The following MGAM variants were observed in gnomAD, a reference collection of about 807,000 sequenced individuals.
MGAM encodes alpha-1,4-glucosidase.
A neutral mutation model predicts 358.8 loss-of-function variants in MGAM; 253 were observed. The observed-to-expected ratio is 0.71, with a 90% CI of 0.64 to 0.78. The LOEUF is 0.78. Among genes scored for constraint, MGAM ranks in the 30% least tolerant of loss-of-function variants. The probability of loss-of-function intolerance (pLI) is 0.00; values close to 1 mark genes in which losing one functional copy is unlikely to be tolerated. For missense variants in MGAM, 3,080 were observed against 3,432.6 expected (o/e 0.90, Z 2.57); for synonymous variants, 1,105 against 1,227.1 (o/e 0.90, Z 2.08).
In MGAM at chr7:142,059,523, C is replaced by A. The variant is rs751220955; in HGVS notation, c.3871C>A (p.Leu1291Ile). The A allele has an allele frequency of 4.0e-5, 64 of 1,612,886 alleles. No individual in the cohort carries two copies. The highest frequency in any genetic ancestry group is 5.0e-5 in the Admixed American group (3 of 59,972). The change falls in exon 32 of 71, where the codon CTC becomes ATC. Residue 1291 changes from leucine (L) to isoleucine (I), a missense_variant. Leu to Ile is a conservative substitution (Grantham distance 5). Coordinates refer to ENST00000475668, the MANE Select transcript of MGAM (RefSeq NM_001365693.1). ...CATGGAGCGGCAGCTGGACTTCACC[C>A]TCAGCCCCAAGTTTGCTGGGTTTCC... ...DYMERQLDFT[L>I]SPKFAGFPAL...
intron 8 of MGAM, among the ~76,000 whole-genome samples, chr7:142,025,883 G>A (rs1183487675): frequency 6.6e-6 from 1 of 152,124 alleles, no homozygotes; most frequent in Non-Finnish European, 1.5e-5. Flanking sequence ...ATGAATCTAA[G>A]ACGATTCTAA....
Position 142,008,498 on chromosome 7 carries a change from T to G in MGAM, c.128-8T>G, listed in dbSNP as rs1563106708. 1.2e-6 allele frequency: 2 copies of G among 1,600,350 alleles called. No individual in the cohort carries two copies. Among genetic ancestry groups the G allele is most frequent in the Non-Finnish European group, 1.7e-6 (2 of 1,173,738 alleles). Reference sequence around the variant, plus strand: ...CTAATGGTCTTTTTATGTTTGCTTTTGGTATAGCCCCAGATCCTGGGACAA... The same window carrying G: ...CTAATGGTCTTTTTATGTTTGCTTTGGGTATAGCCCCAGATCCTGGGACAA... On this transcript the variant is annotated splice_polypyrimidine_tract_variant and splice_region_variant and intron_variant, in intron 2 of 70. Coordinates refer to ENST00000475668, the MANE Select transcript of MGAM (RefSeq NM_001365693.1).
intron 42 of MGAM, among the ~76,000 whole-genome samples, chr7:142,067,956 A>T (rs865838118): frequency 8.7e-4 from 31 of 35,582 alleles, no homozygotes; most frequent in Admixed American, 3.0e-3. Flanking sequence ...ATATATATAT[A>T]TATATATAAA....
chr7:142,054,375 A>G (rs1811288939), intron 26 of MGAM, among the ~76,000 whole-genome samples: 2 of 152,192 alleles, frequency 1.3e-5, no homozygotes, highest in African/African-American at 2.4e-5. Flanking sequence ...TGATTATTTT[A>G]ATCAAATAGA....
At chr7:142,005,758 G>T in intron 2 of MGAM, 101 bp downstream of exon 2, 1 of 1,207,662 alleles carries the variant, frequency 8.3e-7, no homozygotes. Flanking sequence ...GTGTGTATGT[G>T]TTTGTTGCGG....
At chr7:142,020,041 C>G (rs1806292090) in intron 4 of MGAM, among the ~76,000 whole-genome samples, 2 of 148,730 alleles carry the variant, frequency 1.3e-5, no homozygotes, top group African/African-American at 5.0e-5. Flanking sequence ...TTCGCTCCAG[C>G]CTGGGTGACA....
At chr7:142,096,474 A>G in intron 65 of MGAM, 59 bp downstream of exon 65, 2 of 1,564,556 alleles carry the variant, frequency 1.3e-6, no homozygotes, top group Admixed American at 1.7e-5. Flanking sequence ...GGGGAAAAGG[A>G]CGAGGAGAAG....
intron 6 of MGAM, 60 bp from the exon 7 acceptor site, chr7:142,022,208 C>T: frequency 6.8e-7 from 1 of 1,473,078 alleles, no homozygotes. Context: ...CTTTTCTAAG[C>T]ACTTACGTTC....
At chr7:141,991,100 T>C (rs185834275), upstream of MGAM, among the ~76,000 whole-genome samples, 19 of 152,240 alleles carry the variant, frequency 1.2e-4, no homozygotes, top group Non-Finnish European at 2.6e-4. Flanking sequence ...CAAGTCGCCT[T>C]TGTGCCTCAG....
intron 3 of MGAM, among the ~76,000 whole-genome samples, chr7:142,016,414 T>C (rs1280673501): frequency 6.6e-6 from 1 of 152,212 alleles, no homozygotes; most frequent in African/African-American, 2.4e-5. Flanking sequence ...CTATCTCCCT[T>C]AATTTTACCT....
At chr7:142,057,298 G>T (rs1422387374) in intron 30 of MGAM, among the ~76,000 whole-genome samples, 1 of 151,458 alleles carries the variant, frequency 6.6e-6, no homozygotes, top group Admixed American at 6.6e-5. Flanking sequence ...TGTTGGTGAT[G>T]GTGATGATAG....
intron 3 of MGAM, among the ~76,000 whole-genome samples, chr7:142,015,081 A>G (rs1454279539): frequency 6.6e-6 from 1 of 152,018 alleles, no homozygotes; most frequent in African/African-American, 2.4e-5. Flanking sequence ...CAGTCTTTTA[A>G]AGTTTTGCCA....
chr7:141,998,009 C>T lies in MGAM; in HGVS notation c.-3+2079C>T, dbSNP rs150637016. Among the ~76,000 whole-genome samples, 257 of 152,198 alleles carry T rather than the reference C, an allele frequency of 1.7e-3. 1 individual carries two copies. The highest frequency in any genetic ancestry group is 5.9e-3 in the African/African-American group (244 of 41,500). On this transcript the variant is annotated intron_variant, in intron 1 of 70. Coordinates refer to ENST00000475668, the MANE Select transcript of MGAM (RefSeq NM_001365693.1). The stretch of plus-strand genomic sequence containing the variant: ...GATTTTAAAAGAATGGCTTAGACCT[C>T]CATATACACATCAAACGCTGGCTAT...
chr7:142,086,179 G>A (rs1419124399), intron 55 of MGAM, 39 bp from the exon 56 acceptor site: 1 of 1,483,268 alleles, frequency 6.7e-7, no homozygotes, highest in Non-Finnish European at 9.2e-7. Context: ...TCATTCTGTG[G>A]CTTTGATTTT....
intron 2 of MGAM, among the ~76,000 whole-genome samples, chr7:141,989,331 T>G (rs1374310375): frequency 6.6e-6 from 1 of 152,150 alleles, no homozygotes; most frequent in African/African-American, 2.4e-5. Flanking sequence ...CAGAAAGGAC[T>G]GGCTGAGGAG....
At position 142,046,308 on chromosome 7, in the gene MGAM, A is replaced by G. The variant is rs541090920; in HGVS notation, c.2499-1477A>G. Among the ~76,000 whole-genome samples, 5 of 151,558 alleles carry G rather than the reference A, an allele frequency of 3.3e-5. No homozygotes were observed. The South Asian group carries it at 1.0e-3, about 31-fold the overall frequency. The stretch of plus-strand genomic sequence containing the variant: ...GGGAGTCTAAGTCTATTGTTAGTTA[A>G]CTTTGTTGACTTTCTTTCATGTTGA... On this transcript the variant is annotated intron_variant, in intron 21 of 70. Coordinates refer to ENST00000475668, the MANE Select transcript of MGAM (RefSeq NM_001365693.1).
At chr7:142,014,840 A>G (rs1805846841) in intron 3 of MGAM, among the ~76,000 whole-genome samples, 2 of 152,138 alleles carry the variant, frequency 1.3e-5, no homozygotes, top group East Asian at 3.8e-4. Context: ...AATTATGTCA[A>G]TTTTATGGCA....
chr7:142,069,790 G>A (rs922564358), intron 43 of MGAM, among the ~76,000 whole-genome samples: 12 of 145,584 alleles, frequency 8.2e-5, no homozygotes, highest in African/African-American at 2.9e-4. Flanking sequence ...CTTTACGTGA[G>A]ACTGGCCTTT....
intron 19 of MGAM, among the ~76,000 whole-genome samples, chr7:142,039,115 T>C (rs1334265926): frequency 6.7e-6 from 1 of 148,710 alleles, no homozygotes; most frequent in Non-Finnish European, 1.5e-5. Context: ...TTTTTTTTTT[T>C]TTTTTTTTGA....
Sources: gnomAD v4.1 joint callset for allele counts (sites outside exome capture counted in the v4.1 genomes callset) on GRCh38, gnomAD v4.1.1 for gene constraint, MANE v1.5 for transcripts, NCBI Gene and HGNC (gene_info 2026-07-23, HGNC 2026-07-21) for gene names.